Variants in QTMAN observed in about 807,000 individuals in gnomAD.
QTMAN encodes queuosine-tRNA mannosyltransferase, also known as tRNA-queuosine alpha-mannosyltransferase.
the QTMAN span, among the ~76,000 whole-genome samples, chr2:144,311,399 A>G: frequency 6.6e-6 from 1 of 152,228 alleles, no homozygotes; most frequent in Non-Finnish European, 1.5e-5. Flanking sequence ...TCCAGGTACT[A>G]AAGTGAGTAA....
At chr2:144,136,392 AG>A in the QTMAN span, among the ~76,000 whole-genome samples, 1 of 88,960 alleles carries the variant, frequency 1.1e-5, no homozygotes, top group African/African-American at 4.8e-5. Flanking sequence ...GAAAAGGAAA[AG>A]GAAAAGGAAA....
the QTMAN span, among the ~76,000 whole-genome samples, chr2:144,155,903 GAA>G: frequency 7.2e-6 from 1 of 139,652 alleles, no homozygotes. Context: ...TGACAACCAT[GAA>G]AAAAAAAAAA....
At chr2:144,077,977 G>A in the QTMAN span, among the ~76,000 whole-genome samples, 1 of 150,362 alleles carries the variant, frequency 6.7e-6, no homozygotes, top group Admixed American at 6.7e-5. Context: ...TAAAGTCAAA[G>A]ATAGCATATA....
At chr2:144,018,896 T>C in the QTMAN span, among the ~76,000 whole-genome samples, 1 of 152,188 alleles carries the variant, frequency 6.6e-6, no homozygotes, top group Non-Finnish European at 1.5e-5. Flanking sequence ...CTAGAGAAGC[T>C]GATCTTCAGC....
chr2:144,118,002 C>T, the QTMAN span, among the ~76,000 whole-genome samples: 25 of 152,092 alleles, frequency 1.6e-4, no homozygotes, highest in South Asian at 6.2e-4. Flanking sequence ...CCCGCCACCA[C>T]GCCCGGCTAA....
the QTMAN span, among the ~76,000 whole-genome samples, chr2:144,072,700 C>T: frequency 6.6e-6 from 1 of 152,192 alleles, no homozygotes; most frequent in African/African-American, 2.4e-5. Context: ...AGAGCCAGGC[C>T]AAACGCCTTC....
chr2:144,073,262 C>T, the QTMAN span, among the ~76,000 whole-genome samples: 1 of 148,608 alleles, frequency 6.7e-6, no homozygotes, highest in African/African-American at 2.5e-5. Flanking sequence ...ATATATATAT[C>T]ATATATATTT....
At chr2:144,205,792 C>T in the QTMAN span, among the ~76,000 whole-genome samples, 236 of 152,298 alleles carry the variant, frequency 1.5e-3, 1 homozygote, top group South Asian at 0.01. Flanking sequence ...AGTAGAAATG[C>T]TTCATCCTGG....
the QTMAN span, chr2:143,947,088 C>T: frequency 1.2e-6 from 2 of 1,613,948 alleles, no homozygotes; most frequent in Non-Finnish European, 1.7e-6. Context: ...TAAGCAGAGA[C>T]CTGAATTTAC....
At chr2:144,302,159 C>G in the QTMAN span, among the ~76,000 whole-genome samples, 1 of 152,140 alleles carries the variant, frequency 6.6e-6, no homozygotes, top group South Asian at 2.1e-4. Context: ...CAGAAAATAT[C>G]TGTCTACCAA....
the QTMAN span, among the ~76,000 whole-genome samples, chr2:143,948,349 G>T: frequency 3.9e-5 from 6 of 152,094 alleles, no homozygotes; most frequent in African/African-American, 1.4e-4. Flanking sequence ...TGAAGAACTT[G>T]AAGAGGAAAA....
chr2:144,058,889 A>G, the QTMAN span, among the ~76,000 whole-genome samples: 1 of 152,154 alleles, frequency 6.6e-6, no homozygotes. Flanking sequence ...TTGTCCCTTT[A>G]GCTCATTCAG....
the QTMAN span, among the ~76,000 whole-genome samples, chr2:144,059,784 C>A: frequency 6.6e-6 from 1 of 152,098 alleles, no homozygotes; most frequent in African/African-American, 2.4e-5. Flanking sequence ...TTAGAATGTG[C>A]CACATGTTAC....
chr2:144,145,367 A>C, the QTMAN span, among the ~76,000 whole-genome samples: 7 of 151,944 alleles, frequency 4.6e-5, no homozygotes, highest in Non-Finnish European at 7.4e-5. Context: ...ACATATAATT[A>C]GATTGTTACA....
the QTMAN span, among the ~76,000 whole-genome samples, chr2:144,202,210 A>G: frequency 6.6e-6 from 1 of 152,226 alleles, no homozygotes; most frequent in Non-Finnish European, 1.5e-5. Context: ...AAAGCATGAA[A>G]GCTGCCTAAA....
the QTMAN span, among the ~76,000 whole-genome samples, chr2:144,152,099 T>C: frequency 6.6e-6 from 1 of 152,236 alleles, no homozygotes; most frequent in Non-Finnish European, 1.5e-5. Context: ...TGTCTCATCA[T>C]GTGGCATCAA....
the QTMAN span, among the ~76,000 whole-genome samples, chr2:144,266,523 G>C: frequency 1.8e-3 from 279 of 152,262 alleles, no homozygotes; most frequent in African/African-American, 6.0e-3. Flanking sequence ...CTAGATCAGT[G>C]ACTGAGACAT....
the QTMAN span, among the ~76,000 whole-genome samples, chr2:144,023,419 C>T: frequency 1.6e-3 from 251 of 152,312 alleles, no homozygotes; most frequent in African/African-American, 5.8e-3. Context: ...AATCTCTGCT[C>T]TTATGGGAAA....
chr2:144,062,038 T>C, the QTMAN span, among the ~76,000 whole-genome samples: 16 of 152,326 alleles, frequency 1.1e-4, no homozygotes, highest in South Asian at 4.1e-4. Flanking sequence ...TTGAAGTCCA[T>C]GTGACCTGAT....
Sources: gnomAD v4.1 joint callset for allele counts (sites outside exome capture counted in the v4.1 genomes callset) on GRCh38, gnomAD v4.1.1 for gene constraint, MANE v1.5 for transcripts, NCBI Gene and HGNC (gene_info 2026-07-23, HGNC 2026-07-21) for gene names.